Variants in COL6A5 observed in about 807,000 individuals in gnomAD.
The protein encoded by COL6A5 is collagen type VI alpha 5 chain.
Under a neutral mutation model 65.6 loss-of-function variants are expected in COL6A5, and 48 were observed. The observed-to-expected ratio is 0.73, with a 90% CI of 0.58 to 0.93. The LOEUF (loss-of-function observed/expected upper bound fraction) is 0.93. Among genes scored for constraint, COL6A5 ranks in the 40% least tolerant of loss-of-function variants. The pLI is 0.00. For synonymous variants in COL6A5, 291 were observed against 322.8 expected (o/e 0.90, Z 1.05); for missense variants, 914 against 928.3 (o/e 0.98, Z 0.20).
At position 130,469,555 on chromosome 3, in the gene COL6A5, A is replaced by C; in HGVS notation, c.2231+74A>C. The C allele has an allele frequency of 2.5e-6, 3 of 1,187,034 alleles. No individual in the cohort carries two copies. The South Asian group carries it at 4.6e-5, about 18-fold the overall frequency. 73.5% of individuals were successfully genotyped at this position (1,187,034 alleles called of 1,614,324 possible). ...CTGTGTACAGTCCATCAGCAGACTT[A>C]GTAAAATGATCCTCACTTCAGTTAA... On this transcript the variant is annotated intron_variant, in intron 6 of 7. Coordinates refer to ENST00000512836, the Ensembl canonical transcript of COL6A5.
intron 4 of COL6A5, among the ~76,000 whole-genome samples, chr3:130,449,550 C>T (rs547156149): frequency 1.6e-4 from 25 of 152,144 alleles, no homozygotes; most frequent in African/African-American, 5.5e-4. Context: ...CCCATGTTAG[C>T]GGGATGTTTA....
At chr3:130,467,283 G>A (rs186200010) in intron 5 of COL6A5, among the ~76,000 whole-genome samples, 1 of 151,820 alleles carries the variant, frequency 6.6e-6, no homozygotes, top group Non-Finnish European at 1.5e-5. Flanking sequence ...AAGAAGAGCT[G>A]GTTAATGGGC....
intron 4 of COL6A5, among the ~76,000 whole-genome samples, chr3:130,447,014 G>T (rs976921023): frequency 6.6e-6 from 1 of 152,092 alleles, no homozygotes; most frequent in Admixed American, 6.5e-5. Context: ...TTTAAAGTGC[G>T]ATTGGCCCGT....
rs1004623862 is a variant in COL6A5 at position 130,380,061 on chromosome 3, T to C, written c.1300+11T>C. The C allele has an allele frequency of 2.0e-6, 3 of 1,472,506 alleles. No individual in the cohort carries two copies. Among genetic ancestry groups the C allele is most frequent in the Non-Finnish European group, 2.7e-6 (3 of 1,103,068 alleles). 91.2% of individuals were successfully genotyped at this position (1,472,506 alleles called of 1,614,324 possible). ...ATCTTGATAAAACTGGTATGTTTTT[T>C]AAAATACTTTTCTAATTATAAAATT... On this transcript the variant is annotated intron_variant and NMD_transcript_variant, in intron 4 of 41. Transcript: ENST00000312481.
At position 130,409,400 on chromosome 3, in the gene COL6A5, G is replaced by A; in HGVS notation, c.4542+12G>A. The stretch of plus-strand genomic sequence containing the variant: ...TCCCAGGGGATCCGGTAAGTTTCTA[G>A]GGCCCAGTTGGCTCTGAATTTTATA... On this transcript the variant is annotated intron_variant and NMD_transcript_variant, in intron 18 of 41. Coordinates refer to the COL6A5 transcript ENST00000312481. The A allele has an allele frequency of 6.5e-7, 1 of 1,545,020 alleles. No homozygotes were observed. Among genetic ancestry groups the A allele is most frequent in the Non-Finnish European group, 8.7e-7 (1 of 1,143,840 alleles).
chr3:130,347,067 G>A (rs1934508106), intron 1 of COL6A5, among the ~76,000 whole-genome samples: 1 of 152,182 alleles, frequency 6.6e-6, no homozygotes, highest in Non-Finnish European at 1.5e-5. Context: ...AATCTTTGAT[G>A]ACGAATGAAT....
At chr3:130,397,151 G>A (rs970246650) in intron 8 of COL6A5, among the ~76,000 whole-genome samples, 4 of 152,146 alleles carry the variant, frequency 2.6e-5, no homozygotes, top group Non-Finnish European at 4.4e-5. Context: ...ACAGGCTTAA[G>A]CCACCACACC....
exon 8 of COL6A5, chr3:130,484,183 A>G: frequency 1.3e-6 from 1 of 794,390 alleles, no homozygotes. Flanking sequence ...ATTGGCTAAT[A>G]GCATGCTAAA....
intron 4 of COL6A5, among the ~76,000 whole-genome samples, chr3:130,450,875 C>T (rs1709415343): frequency 6.6e-6 from 1 of 152,112 alleles, no homozygotes. Flanking sequence ...ATCAGAGAAA[C>T]TATTGGAGCC....
chr3:130,431,251 A>G (rs111829936), upstream of COL6A5: 3,181 of 695,460 alleles, frequency 4.6e-3, 82 homozygotes, highest in African/African-American at 0.05. Flanking sequence ...TGAGCATTAT[A>G]TAGCCAAATA....
chr3:130,384,868 G>A (rs2107646568), exon 5 of COL6A5: 2 of 1,550,746 alleles, frequency 1.3e-6, no homozygotes, highest in Non-Finnish European at 1.7e-6. Flanking sequence ...GCATCCAGGA[G>A]AAACAGTTTG....
In COL6A5 at chr3:130,385,363, A is replaced by G. The variant is rs10212372; in HGVS notation, c.1860A>G (p.Lys620=). The change falls in exon 5 of 42, where the codon AAA becomes AAG. Residue 620 remains lysine, a splice_region_variant and synonymous_variant and NMD_transcript_variant. Coordinates refer to the COL6A5 transcript ENST00000312481. ...TCGTTCGTGAAATCTGCGCTGAAAA[A>G]GGTAAGCAACACAAAAAAGGCTTTA... is the stretch of plus-strand genomic sequence containing the variant. The G allele has an allele frequency of 0.24, 376,688 of 1,547,888 alleles. 52,332 individuals are homozygous for G. The highest frequency in any genetic ancestry group is 0.55 in the East Asian group (22,570 of 40,874).
chr3:130,373,753 T>C, intron 2 of COL6A5, 48 bp downstream of exon 2: 1 of 1,183,610 alleles, frequency 8.4e-7, no homozygotes, highest in Non-Finnish European at 1.2e-6. Flanking sequence ...TATTTTTACA[T>C]CTCAGTAAAC....
intron 1 of COL6A5, among the ~76,000 whole-genome samples, chr3:130,354,504 G>A (rs988932285): frequency 1.3e-5 from 2 of 152,136 alleles, no homozygotes; most frequent in African/African-American, 2.4e-5. Context: ...TTCTCTAGGG[G>A]CTTATTAAAA....
intron 7 of COL6A5, among the ~76,000 whole-genome samples, chr3:130,392,213 T>C (rs1936428688): frequency 6.6e-6 from 1 of 152,134 alleles, no homozygotes; most frequent in Non-Finnish European, 1.5e-5. Flanking sequence ...AATGAGATCA[T>C]AGGCATTCTA....
intron 24 of COL6A5, among the ~76,000 whole-genome samples, chr3:130,418,410 C>T (rs1269603234): frequency 2.0e-5 from 3 of 152,074 alleles, no homozygotes; most frequent in South Asian, 2.1e-4. Flanking sequence ...CTCAGGCTCA[C>T]CAAATCTGAC....
chr3:130,471,893 G>C, intron 7 of COL6A5: 1 of 1,534,832 alleles, frequency 6.5e-7, no homozygotes, highest in Non-Finnish European at 8.7e-7. Context: ...AGAAATTTCA[G>C]CTCTAGTGGT....
At chr3:130,400,972 T>C in intron 10 of COL6A5, 59 bp from the exon 11 acceptor site, 1 of 1,347,496 alleles carries the variant, frequency 7.4e-7, no homozygotes, top group Non-Finnish European at 9.9e-7. Context: ...TTATTATGTC[T>C]TCTTCTTTTT....
Position 130,470,894 on chromosome 3 carries a change from G to T in COL6A5, c.2257G>T (p.Glu753Ter). 1.2e-6 allele frequency: 2 copies of T among 1,612,202 alleles called. No individual in the cohort carries two copies. ...AGGTGCCATCAACAAATATCCCACC[G>T]AAGATATGAAAGCCACATGTGTTAA... Residue 753 changes from glutamate (E) to a stop codon, truncating the protein, a stop_gained, in exon 7 of 8, where the codon GAA (glutamate) becomes TAA (stop). Coordinates refer to ENST00000512836, the Ensembl canonical transcript of COL6A5. LOFTEE classifies it high-confidence loss of function.
Sources: allele counts gnomAD v4.1 joint callset (sites outside exome capture counted in the v4.1 genomes callset), GRCh38; gene constraint gnomAD v4.1.1; transcripts MANE v1.5; gene names NCBI Gene and HGNC (gene_info 2026-07-23, HGNC 2026-07-21).